Variants in MED14 observed in about 807,000 individuals in gnomAD.
MED14 encodes the protein mediator of RNA polymerase II transcription subunit 14.
Under a neutral mutation model 109.0 loss-of-function variants are expected in MED14, and 8 were observed. The observed-to-expected ratio is 0.07, with a 90% CI of 0.04 to 0.13. MED14 has a LOEUF of 0.13. Among genes scored for constraint, MED14 ranks in the 10% least tolerant of loss-of-function variants. The pLI is 1.00. For missense variants in MED14, 711 were observed against 1,142.4 expected, an observed-to-expected ratio of 0.62 and a Z score of 5.44; for synonymous variants, 399 against 408.7, an observed-to-expected ratio of 0.98 and a Z score of 0.29.
At position 40,650,662 on chromosome X, in the gene MED14, G is replaced by T; in HGVS notation, c.*1144C>A. 2 of 754,238 alleles carry T rather than the reference G, an allele frequency of 2.7e-6. No individual in the cohort carries two copies. The highest frequency in any genetic ancestry group is 1.6e-6 in the Non-Finnish European group (1 of 639,311). The allele number at this position is 754,238 out of a possible 1,213,427, so 62.2% of individuals were successfully genotyped here. A position where few individuals can be genotyped will look rare whatever the true frequency, so the allele number is the denominator to read the frequency against. On this transcript the variant is annotated 3_prime_UTR_variant, in exon 31 of 31. Transcript: ENST00000324817. Reference sequence around the variant, plus strand: ...TGTATTAATACCAAAAACTCCATTTGACCCTGGACAGGCCCAGGATTCGGG... The same window carrying T: ...TGTATTAATACCAAAAACTCCATTTTACCCTGGACAGGCCCAGGATTCGGG...
chrX:40,735,959 C>T (rs1292611664), upstream of MED14: 1 of 239,064 alleles, frequency 4.2e-6, no homozygotes, highest in African/African-American at 3.0e-5. Context: ...AGTTGCCCCG[C>T]CCTTACCCTC....
At position 40,648,645 on chromosome X, in the gene MED14, T is replaced by C. The variant is rs1442534157; in HGVS notation, c.*3161A>G. 1 of 112,597 alleles carries C rather than the reference T, an allele frequency of 8.9e-6. No individual in the cohort carries two copies. Among genetic ancestry groups the C allele is most frequent in the Non-Finnish European group, 1.9e-5 (1 of 53,286 alleles). The allele number at this position is 112,597 out of a possible 1,213,427, so 9.3% of individuals were successfully genotyped here. On this transcript the variant is annotated 3_prime_UTR_variant, in exon 31 of 31. Transcript: ENST00000324817. ...AGAAAATGCCTAGCACACAGTAAGC[T>C]CTCAGTAAATACTTGCTATTATTTT...
At chrX:40,658,563 TAAG>T (rs1048998883) in intron 28 of MED14, among the ~76,000 whole-genome samples, 1 of 109,564 alleles carries the variant, frequency 9.1e-6, no homozygotes, top group Non-Finnish European at 1.9e-5. Context: ...AAAATATTTA[TAAG>T]AAGGCCACGC....
chrX:40,720,609 G>C (rs1931679742), intron 3 of MED14, among the ~76,000 whole-genome samples: 1 of 111,322 alleles, frequency 9.0e-6, no homozygotes, highest in African/African-American at 3.3e-5. Context: ...CTAGTGCTAG[G>C]CTGGACTCAG....
chrX:40,691,768 C>A (rs995474266), intron 15 of MED14, among the ~76,000 whole-genome samples: 14 of 108,487 alleles, frequency 1.3e-4, no homozygotes, highest in Admixed American at 4.9e-4. Context: ...TGTGCCACCA[C>A]ACCCGGATAA....
chrX:40,732,552 G>A (rs7050322), intron 1 of MED14, among the ~76,000 whole-genome samples: 48 of 108,531 alleles, frequency 4.4e-4, no homozygotes, highest in African/African-American at 1.6e-3. Context: ...GCAGAGGTGG[G>A]AGGACTGCTT....
At chrX:40,691,853 C>T (rs965599431) in intron 15 of MED14, among the ~76,000 whole-genome samples, 3 of 109,455 alleles carry the variant, frequency 2.7e-5, no homozygotes, top group South Asian at 4.0e-4. Flanking sequence ...CTCAAGTGAT[C>T]CACCCGCCTC....
intron 10 of MED14, among the ~76,000 whole-genome samples, chrX:40,705,934 T>C (rs746312594): frequency 1.8e-5 from 2 of 111,427 alleles, no homozygotes; most frequent in African/African-American, 3.3e-5. Flanking sequence ...TTTTGGAACT[T>C]ATCTCCAAAG....
Position 40,680,891 on chromosome X carries a change from G to A in MED14, c.2477C>T (p.Ser826Leu), listed in dbSNP as rs1464575337. 5.1e-6 allele frequency: 6 copies of A among 1,173,351 alleles called. No individual in the cohort carries two copies. Among genetic ancestry groups the A allele is most frequent in the Non-Finnish European group, 4.6e-6 (4 of 864,808 alleles). The change falls in exon 20 of 31, where the codon TCG (serine) becomes TTG (leucine). Residue 826 changes from serine (S) to leucine (L), a missense_variant. Ser to Leu is a moderately radical substitution (Grantham distance 145, BLOSUM62 -2). Transcript: ENST00000324817. The part of the protein sequence containing the change: ...KGSSISIQWN[S>L]IHQKFHISLG... ...AGAAATGTGGAATTTTTGATGGATCGAATTCCATTGGATACTAATCTAAAT... is the reference window on the plus strand; with the variant it reads ...AGAAATGTGGAATTTTTGATGGATCAAATTCCATTGGATACTAATCTAAAT...
chrX:40,660,334 C>T (rs1314625913), intron 26 of MED14, among the ~76,000 whole-genome samples: 1 of 111,438 alleles, frequency 9.0e-6, no homozygotes, highest in Non-Finnish European at 1.9e-5. Context: ...TGAACATTTT[C>T]CACAATATCT....
intron 1 of MED14, among the ~76,000 whole-genome samples, chrX:40,733,140 T>C (rs1437643001): frequency 9.4e-6 from 1 of 106,786 alleles, no homozygotes; most frequent in African/African-American, 3.4e-5. Context: ...AGGATCTCAC[T>C]GTCACCCAGT....
rs931682698 is a variant in MED14, at chrX:40,650,013, A to G, written c.*1793T>C. On this transcript the variant is annotated 3_prime_UTR_variant, in exon 31 of 31. Coordinates refer to ENST00000324817, the MANE Select transcript of MED14 (RefSeq NM_004229.4). ...AACTCTTAATAAAATTATTTGAAAC[A>G]ATATTATCCTGCAGATAAAAATACA... 2.7e-4 allele frequency: 201 copies of G among 740,629 alleles called. No homozygotes were observed. The highest frequency in any genetic ancestry group is 3.2e-4 in the Non-Finnish European group (198 of 627,533). The allele number at this position is 740,629 out of a possible 1,213,427, so 61.0% of individuals were successfully genotyped here. A position where few individuals can be genotyped will look rare whatever the true frequency, so the allele number is the denominator to read the frequency against.
At chrX:40,698,799 C>T (rs762341714) in intron 12 of MED14, among the ~76,000 whole-genome samples, 8 of 112,073 alleles carry the variant, frequency 7.1e-5, no homozygotes, top group Middle Eastern at 4.2e-3. Flanking sequence ...TGGAAATTCT[C>T]GCAACATTAC....
intron 13 of MED14, among the ~76,000 whole-genome samples, chrX:40,694,500 C>A (rs1274734298): frequency 9.0e-6 from 1 of 111,448 alleles, no homozygotes; most frequent in Non-Finnish European, 1.9e-5. Context: ...CCCACACATA[C>A]TCTTCAGGAA....
rs1033437517 is a variant in MED14 at position 40,650,734 on chromosome X, A to T, written c.*1072T>A. ...GGACCAGGTTTCTTCCAAGCAAAAC[A>T]TTCTATCGTTTTGTTGACAATGAAT... is the stretch of plus-strand genomic sequence containing the variant. On this transcript the variant is annotated 3_prime_UTR_variant, in exon 31 of 31. Transcript: ENST00000324817. The T allele has an allele frequency of 1.3e-6, 1 of 752,213 alleles. No homozygotes were observed. The highest frequency in any genetic ancestry group is 8.8e-5 in the Admixed American group (1 of 11,409). The allele number at this position is 752,213 out of a possible 1,213,427, so 62.0% of individuals were successfully genotyped here. A position where few individuals can be genotyped will look rare whatever the true frequency, so the allele number is the denominator to read the frequency against.
At chrX:40,736,082 C>A (rs767283513), upstream of MED14, among the ~76,000 whole-genome samples, 145 of 112,212 alleles carry the variant, frequency 1.3e-3, 1 homozygote, top group African/African-American at 4.6e-3. Flanking sequence ...GAGGCCTCCT[C>A]TAAATGTTCG....
intron 13 of MED14, among the ~76,000 whole-genome samples, chrX:40,696,623 A>C (rs1261135716): frequency 8.9e-6 from 1 of 112,308 alleles, no homozygotes; most frequent in Non-Finnish European, 1.9e-5. Context: ...GCCTTCAATC[A>C]AAGAAGGATG....
intron 3 of MED14, among the ~76,000 whole-genome samples, chrX:40,719,943 G>A: frequency 8.9e-6 from 1 of 111,889 alleles, no homozygotes; most frequent in Non-Finnish European, 1.9e-5. Context: ...TAACACATCT[G>A]GCATGGCTAA....
intron 22 of MED14, among the ~76,000 whole-genome samples, chrX:40,673,930 C>T (rs911491681): frequency 9.0e-6 from 1 of 110,923 alleles, no homozygotes; most frequent in African/African-American, 3.3e-5. Flanking sequence ...CACATTCTCC[C>T]TCCATTCCCC....
Sources: allele counts gnomAD v4.1 joint callset (sites outside exome capture counted in the v4.1 genomes callset), GRCh38; gene constraint gnomAD v4.1.1; transcripts MANE v1.5; gene names NCBI Gene and HGNC (gene_info 2026-07-23, HGNC 2026-07-21).